Variants in UBE2QL1 observed in about 807,000 individuals in gnomAD.
UBE2QL1 encodes the protein ubiquitin conjugating enzyme E2 QL1.
In UBE2QL1, 5 loss-of-function variants were observed where a neutral mutation model predicts 12.6. The ratio of observed to expected loss-of-function variants is 0.40; its 90% CI spans 0.21 to 0.83. The LOEUF is 0.83. Among genes scored for constraint, UBE2QL1 ranks in the 40% least tolerant of loss-of-function variants. UBE2QL1 has a pLI of 0.37. For missense variants in UBE2QL1, 99 were observed against 222.6 expected, an observed-to-expected ratio of 0.44 and a Z score of 3.53; for synonymous variants, 96 against 94.5, an observed-to-expected ratio of 1.02 and a Z score of -0.10.
intron 1 of UBE2QL1, among the ~76,000 whole-genome samples, chr5:6,490,175 T>C (rs966890938): frequency 6.6e-6 from 1 of 152,178 alleles, no homozygotes; most frequent in African/African-American, 2.4e-5. Context: ...AACGTTTCAG[T>C]TGATCCACCA....
At chr5:6,451,347 C>T (rs1739408804) in intron 1 of UBE2QL1, among the ~76,000 whole-genome samples, 1 of 152,000 alleles carries the variant, frequency 6.6e-6, no homozygotes, top group African/African-American at 2.4e-5. Context: ...TGCCCATATG[C>T]CAAGCGGCAA....
chr5:6,491,762 G>A lies in UBE2QL1; in HGVS notation c.*413G>A, dbSNP rs1380031888. ...GCCGTTCATATTTCACAGGGACGCC[G>A]TGCATCTCCGCCGTGCGTCCCCGGC... On this transcript the variant is annotated 3_prime_UTR_variant, in exon 2 of 2. Transcript: ENST00000399816. 3.2e-5 allele frequency: 5 copies of A among 157,126 alleles called. No homozygotes were observed. Among genetic ancestry groups the A allele is most frequent in the East Asian group, 3.7e-4 (2 of 5,348 alleles). 9.7% of individuals were successfully genotyped at this position (157,126 alleles called of 1,614,324 possible).
chr5:6,466,975 C>T (rs1256497759), intron 1 of UBE2QL1, among the ~76,000 whole-genome samples: 1 of 152,144 alleles, frequency 6.6e-6, no homozygotes, highest in African/African-American at 2.4e-5. Flanking sequence ...CTGTTCTGGG[C>T]CTGGGACTGT....
At chr5:6,464,709 C>T (rs1268103371) in intron 1 of UBE2QL1, among the ~76,000 whole-genome samples, 1 of 152,238 alleles carries the variant, frequency 6.6e-6, no homozygotes, top group African/African-American at 2.4e-5. Flanking sequence ...TGGTGGGTGA[C>T]ACCGGGTGCC....
chr5:6,456,228 T>C (rs544270938), intron 1 of UBE2QL1, among the ~76,000 whole-genome samples: 9 of 152,350 alleles, frequency 5.9e-5, no homozygotes, highest in African/African-American at 2.2e-4. Flanking sequence ...ACAAGTATCT[T>C]TTTGTTAATA....
chr5:6,482,515 C>T (rs1734382772), intron 1 of UBE2QL1, among the ~76,000 whole-genome samples: 1 of 151,416 alleles, frequency 6.6e-6, no homozygotes, highest in Admixed American at 6.6e-5. Flanking sequence ...GAACCACCTT[C>T]CCCTGGAAGT....
chr5:6,483,994 C>A (rs1052755013), intron 1 of UBE2QL1, among the ~76,000 whole-genome samples: 9 of 152,142 alleles, frequency 5.9e-5, no homozygotes, highest in Non-Finnish European at 8.8e-5. Context: ...AAAGTGTAAC[C>A]GAAAGATCAG....
At chr5:6,462,763 C>A (rs1739701190) in intron 1 of UBE2QL1, among the ~76,000 whole-genome samples, 1 of 152,192 alleles carries the variant, frequency 6.6e-6, no homozygotes, top group South Asian at 2.1e-4. Flanking sequence ...TCTATGGAAA[C>A]TTCCATACAT....
intron 1 of UBE2QL1, among the ~76,000 whole-genome samples, chr5:6,486,050 A>G (rs957408531): frequency 5.9e-5 from 9 of 152,226 alleles, no homozygotes; most frequent in African/African-American, 2.2e-4. Context: ...GATAGCTGAA[A>G]AAATAAGAAG....
At position 6,481,468 on chromosome 5, in the gene UBE2QL1, G is replaced by A. The variant is rs1027069655; in HGVS notation, c.355-9750G>A. Among the ~76,000 whole-genome samples, 5 of 152,146 alleles carry A rather than the reference G, an allele frequency of 3.3e-5. No homozygotes were observed. Among genetic ancestry groups the A allele is most frequent in the Non-Finnish European group, 5.9e-5 (4 of 68,018 alleles). ...TGGCTAGAGAGCAGAGAGGGGGCAC[G>A]CTCCCCTCCCCGCACACCTCTCCCT... On this transcript the variant is annotated intron_variant, in intron 1 of 1. Coordinates refer to ENST00000399816, the MANE Select transcript of UBE2QL1 (RefSeq NM_001145161.3). The surrounding 1 kb of genome is among the most constrained non-coding windows in gnomAD (Gnocchi z 4.5).
At chr5:6,464,034 G>C (rs370455689) in intron 1 of UBE2QL1, among the ~76,000 whole-genome samples, 1 of 151,964 alleles carries the variant, frequency 6.6e-6, no homozygotes, top group Non-Finnish European at 1.5e-5. Context: ...GTGCAATGGC[G>C]TGATCTCAGC....
intron 1 of UBE2QL1, among the ~76,000 whole-genome samples, chr5:6,458,056 A>C (rs1739566204): frequency 6.6e-6 from 1 of 152,254 alleles, no homozygotes; most frequent in Admixed American, 6.5e-5. Context: ...GATAATTATT[A>C]CAGCTTTATT....
intron 1 of UBE2QL1, among the ~76,000 whole-genome samples, chr5:6,450,048 C>T (rs1276542573): frequency 6.6e-6 from 1 of 151,418 alleles, no homozygotes; most frequent in African/African-American, 2.4e-5. Flanking sequence ...AGAGAGGCGG[C>T]GGTGTGGTTT....
In UBE2QL1 at chr5:6,496,173, C is replaced by A. The variant is rs1392234196; in HGVS notation, c.*4824C>A. ...GATAAAGAGATCCCTGCACTGCCCC[C>A]AACCGCCAATTCACCCTGTGTCTCT... On this transcript the variant is annotated 3_prime_UTR_variant, in exon 2 of 2. Transcript: ENST00000399816. Among the ~76,000 whole-genome samples the A allele has an allele frequency of 1.3e-5, 2 of 152,178 alleles. No homozygotes were observed.
rs937763962 is a variant in UBE2QL1, at chr5:6,492,435, C to T, written c.*1086C>T. On this transcript the variant is annotated 3_prime_UTR_variant, in exon 2 of 2. Coordinates refer to ENST00000399816, the MANE Select transcript of UBE2QL1 (RefSeq NM_001145161.3). ...ACTTCCTGTTATTTAATCTCCCCCA[C>T]GGTTTCATTTTTCTCTTCTGTTAAT... The T allele has an allele frequency of 3.3e-5, 5 of 151,882 alleles. No homozygotes were observed. The highest frequency in any genetic ancestry group is 7.3e-5 in the Non-Finnish European group (5 of 68,032). The allele number at this position is 151,882 out of a possible 1,614,324, so 9.4% of individuals were successfully genotyped here.
intron 1 of UBE2QL1, among the ~76,000 whole-genome samples, chr5:6,449,875 C>CCCCACA (rs1553987107): frequency 6.8e-6 from 1 of 147,900 alleles, no homozygotes; most frequent in Non-Finnish European, 1.5e-5. Context: ...CCAACCCCCC[C>CCCCACA]CACACACACA....
rs143994817 is a variant in UBE2QL1, at chr5:6,468,966, G to C, written c.354+19719G>C. On this transcript the variant is annotated intron_variant, in intron 1 of 1. Coordinates refer to ENST00000399816, the MANE Select transcript of UBE2QL1 (RefSeq NM_001145161.3). ...ACCGGTCTGCCACAAGACTTGAGAA[G>C]AGGGTAGAATGGCCTTCTTCATGAT... Among the ~76,000 whole-genome samples, 818 of 152,340 alleles carry C rather than the reference G, an allele frequency of 5.4e-3. 8 individuals carry two copies. The highest frequency in any genetic ancestry group is 0.018 in the African/African-American group (765 of 41,582).
chr5:6,469,498 T>A (rs1739862261), intron 1 of UBE2QL1, among the ~76,000 whole-genome samples: 1 of 148,008 alleles, frequency 6.8e-6, no homozygotes, highest in African/African-American at 2.4e-5. Flanking sequence ...ATTATATATA[T>A]ATTTTTTATA....
At chr5:6,475,831 G>A (rs551254404) in intron 1 of UBE2QL1, among the ~76,000 whole-genome samples, 4 of 152,116 alleles carry the variant, frequency 2.6e-5, no homozygotes, top group Admixed American at 6.5e-5. Flanking sequence ...AGAGGACCCC[G>A]CCCACAAGAG....
Sources: gnomAD v4.1 joint callset for allele counts (sites outside exome capture counted in the v4.1 genomes callset) on GRCh38, gnomAD v4.1.1 for gene constraint, Gnocchi (gnomAD v3.1) non-coding constraint, MANE v1.5 for transcripts, NCBI Gene and HGNC (gene_info 2026-07-23, HGNC 2026-07-21) for gene names.